Variants in PLA2G4C observed in about 807,000 individuals in gnomAD.
The protein encoded by PLA2G4C is phospholipase A2 group IVC.
PLA2G4C carries 64 observed loss-of-function variants against 73.8 expected under a neutral mutation model. The ratio of observed to expected loss-of-function variants is 0.87; its 90% confidence interval spans 0.71 to 1.07. The LOEUF is 1.07. Ranked by LOEUF, PLA2G4C falls within the 50% of genes least tolerant of loss-of-function variation. PLA2G4C has a pLI of 0.00. For synonymous variants in PLA2G4C, 254 were observed against 252.1 expected (o/e 1.01, Z -0.07); for missense variants, 622 against 665.4 (o/e 0.93, Z 0.72).
At chr19:48,079,585 A>G (rs914110886) in intron 10 of PLA2G4C, among the ~76,000 whole-genome samples, 2 of 152,228 alleles carry the variant, frequency 1.3e-5, no homozygotes, top group Admixed American at 6.5e-5. Flanking sequence ...TAAAAATTCT[A>G]GAAGATAACA....
chr19:48,095,810 G>C (rs1421100957), intron 6 of PLA2G4C, among the ~76,000 whole-genome samples: 1 of 152,140 alleles, frequency 6.6e-6, no homozygotes, highest in Non-Finnish European at 1.5e-5. Context: ...TTCCACAGCA[G>C]CCTGTTTCCA....
chr19:48,085,852 T>C (rs1226658625), intron 9 of PLA2G4C, among the ~76,000 whole-genome samples: 1 of 152,160 alleles, frequency 6.6e-6, no homozygotes, highest in East Asian at 1.9e-4. Context: ...CTTAACCCTA[T>C]TCAGTGCAGG....
intron 6 of PLA2G4C, 31 bp downstream of exon 6, chr19:48,098,108 T>A: frequency 6.2e-7 from 1 of 1,609,644 alleles, no homozygotes; most frequent in East Asian, 2.2e-5. Context: ...CATCCCTTAC[T>A]ACCTCTCCCT....
In PLA2G4C at chr19:48,094,337, TG is replaced by T. The variant is rs372062781; in HGVS notation, c.709+1126del. Among the ~76,000 whole-genome samples the T allele has an allele frequency of 4.9e-4, 74 of 152,368 alleles. 2 individuals carry two copies. The East Asian group carries it at 0.013, about 27-fold the overall frequency. ...TGTGTTCATTCATCATCTCCTTCCC[TG>T]GAGTGCAAACTTCATTAGGGAATGA... On this transcript the variant is annotated intron_variant, in intron 7 of 16. Transcript: ENST00000599921.
At chr19:48,101,965 G>GC (rs2031944737) in intron 4 of PLA2G4C, among the ~76,000 whole-genome samples, 1 of 151,738 alleles carries the variant, frequency 6.6e-6, no homozygotes, top group African/African-American at 2.4e-5. Context: ...GTGAGCCACT[G>GC]CCCCGGGCCT....
chr19:48,098,797 G>A (rs2031749484), intron 5 of PLA2G4C, among the ~76,000 whole-genome samples: 1 of 147,596 alleles, frequency 6.8e-6, no homozygotes, highest in African/African-American at 2.5e-5. Context: ...AGCTACTTGG[G>A]AGGCTGAGCT....
chr19:48,049,484 T>C (rs747736953), intron 16 of PLA2G4C, among the ~76,000 whole-genome samples: 7 of 127,054 alleles, frequency 5.5e-5, no homozygotes, highest in Admixed American at 1.8e-4. Context: ...TTTGTTTACC[T>C]GTTTATGTCA....
In PLA2G4C at chr19:48,069,062, C is replaced by A. The variant is rs1390504168; in HGVS notation, c.1007-1176G>T. ...CCCATCTCAAAAAAAAAAAAAAAAA[C>A]GGTGAGGAAATAAAAGCCTATAGTT... On this transcript the variant is annotated intron_variant, in intron 12 of 16. Coordinates refer to ENST00000599921, the MANE Select transcript of PLA2G4C (RefSeq NM_003706.3). Among the ~76,000 whole-genome samples, 5 of 138,700 alleles carry A rather than the reference C, an allele frequency of 3.6e-5. No individual in the cohort carries two copies. In the South Asian group the frequency reaches 9.1e-4, roughly 25 times the overall value. 91.0% of individuals were successfully genotyped at this position (138,700 alleles called of 152,430 possible).
At position 48,110,493 on chromosome 19, in the gene PLA2G4C, C is replaced by G. The variant is rs746854383; in HGVS notation, c.-39G>C. The G allele has an allele frequency of 2.4e-6, 3 of 1,270,188 alleles. No individual in the cohort carries two copies. In the African/African-American group the frequency reaches 1.3e-4, roughly 56 times the overall value. The allele number at this position is 1,270,188 out of a possible 1,614,324, so 78.7% of individuals were successfully genotyped here. Reference sequence around the variant, plus strand: ...CCCTGCCCCCACGGCTTGCCTGAGCCTGGGTCTGGGGCGTGTGCGCATGCG... The same window carrying G: ...CCCTGCCCCCACGGCTTGCCTGAGCGTGGGTCTGGGGCGTGTGCGCATGCG... On this transcript the variant is annotated 5_prime_UTR_variant, in exon 1 of 17. Coordinates refer to ENST00000599921, the MANE Select transcript of PLA2G4C (RefSeq NM_003706.3).
At chr19:48,080,993 C>CAAAAAAAAAAAAAAA (rs34388817) in intron 10 of PLA2G4C, among the ~76,000 whole-genome samples, 2 of 102,892 alleles carry the variant, frequency 1.9e-5, no homozygotes, top group African/African-American at 3.9e-5. Flanking sequence ...ACTAAAAATA[C>CAAAAAAAAAAAAAAA]AAAAAAAAAA....
chr19:48,108,196 G>A (rs1451914200), intron 1 of PLA2G4C, among the ~76,000 whole-genome samples: 5 of 152,134 alleles, frequency 3.3e-5, no homozygotes, highest in East Asian at 1.9e-4. Flanking sequence ...CTACAGTGGC[G>A]CAATCATAGC....
In PLA2G4C at chr19:48,105,917, C is replaced by T. The variant is rs1223234816; in HGVS notation, c.9-473G>A. Among the ~76,000 whole-genome samples the T allele has an allele frequency of 2.4e-3, 31 of 12,990 alleles. 2 individuals are homozygous for T. Among genetic ancestry groups the T allele is most frequent in the African/African-American group, 3.7e-3 (4 of 1,090 alleles). The allele number at this position is 12,990 out of a possible 152,430, so 8.5% of individuals were successfully genotyped here. A position where few individuals can be genotyped will look rare whatever the true frequency, so the allele number is the denominator to read the frequency against. On this transcript the variant is annotated intron_variant, in intron 2 of 16. Transcript: ENST00000599921. ...TCCCTCCCTCCCTCCCTCCCTCCCT[C>T]CCTCCCTCCCTCCCTCCCTCCCTCC...
intron 1 of PLA2G4C, among the ~76,000 whole-genome samples, chr19:48,107,469 T>C (rs1202148195): frequency 2.0e-5 from 3 of 148,830 alleles, no homozygotes; most frequent in Admixed American, 6.7e-5. Context: ...AGAAGACAAG[T>C]GTGAGCCCTC....
At chr19:48,071,092 GTAGA>G (rs1317163788) in intron 12 of PLA2G4C, among the ~76,000 whole-genome samples, 2 of 152,086 alleles carry the variant, frequency 1.3e-5, no homozygotes, top group African/African-American at 4.8e-5. Flanking sequence ...ACATAGATAG[GTAGA>G]TATAGATAGA....
intron 6 of PLA2G4C, 70 bp from the exon 7 acceptor site, chr19:48,095,674 A>T: frequency 6.8e-7 from 1 of 1,473,396 alleles, no homozygotes; most frequent in Non-Finnish European, 9.5e-7. Flanking sequence ...TGCAGGAAAA[A>T]GAAATCTATT....
chr19:48,057,226 C>A (rs1967976138), intron 14 of PLA2G4C, among the ~76,000 whole-genome samples: 1 of 152,002 alleles, frequency 6.6e-6, no homozygotes, highest in Non-Finnish European at 1.5e-5. Flanking sequence ...AGAAAAAGGG[C>A]ATTTCTCCTT....
At chr19:48,098,938 C>T (rs534489917) in intron 5 of PLA2G4C, among the ~76,000 whole-genome samples, 12 of 148,680 alleles carry the variant, frequency 8.1e-5, no homozygotes, top group Admixed American at 6.1e-4. Flanking sequence ...AACAAAAACC[C>T]GATGTGTTAG....
chr19:48,077,770 C>A lies in PLA2G4C; in HGVS notation c.898+1G>T. ...GATTCATGGCAAAGTAGGATGCTTACCTTCTGGGGGAGGATGTTCCCCTTG... is the reference window on the plus strand; with the variant it reads ...GATTCATGGCAAAGTAGGATGCTTAACTTCTGGGGGAGGATGTTCCCCTTG... On this transcript the variant is annotated splice_donor_variant, in intron 11 of 16. Coordinates refer to ENST00000599921, the MANE Select transcript of PLA2G4C (RefSeq NM_003706.3). LOFTEE classifies it high-confidence loss of function. 6.2e-7 allele frequency: 1 copy of A among 1,604,930 alleles called. No individual in the cohort carries two copies. The highest frequency in any genetic ancestry group is 8.5e-7 in the Non-Finnish European group (1 of 1,175,118).
At chr19:48,067,980 T>C in intron 12 of PLA2G4C, 94 bp from the exon 13 acceptor site, 1 of 882,502 alleles carries the variant, frequency 1.1e-6, no homozygotes, top group South Asian at 1.4e-5. Context: ...TCATCCCCCA[T>C]GGGGTTGTAT....
Sources: allele counts gnomAD v4.1 joint callset (sites outside exome capture counted in the v4.1 genomes callset), GRCh38; gene constraint gnomAD v4.1.1; transcripts MANE v1.5; gene names NCBI Gene and HGNC (gene_info 2026-07-23, HGNC 2026-07-21).